The following ELAPOR1 variants were observed in gnomAD, a reference collection of about 807,000 sequenced individuals.
The protein encoded by ELAPOR1 is endosome/lysosome-associated apoptosis and autophagy regulator 1.
Under a neutral mutation model 119.7 loss-of-function variants are expected in ELAPOR1, and 77 were observed. The ratio of observed to expected loss-of-function variants is 0.64; its 90% CI spans 0.54 to 0.78. ELAPOR1 has a LOEUF of 0.78. Among genes scored for constraint, ELAPOR1 ranks in the 30% least tolerant of loss-of-function variants. The pLI, the probability that ELAPOR1 is intolerant of heterozygous loss-of-function variation, is 0.00. For synonymous variants in ELAPOR1, 481 were observed against 487.2 expected (o/e 0.99, Z 0.17); for missense variants, 1,115 against 1,270.4 (o/e 0.88, Z 1.86).
At chr1:109,126,352 T>G (rs764033844) in intron 1 of ELAPOR1, among the ~76,000 whole-genome samples, 3 of 152,132 alleles carry the variant, frequency 2.0e-5, no homozygotes, top group Non-Finnish European at 4.4e-5. Flanking sequence ...CCAGGTACAG[T>G]GGCTCACCCC....
At chr1:109,142,920 T>A (rs1243392329) in intron 1 of ELAPOR1, among the ~76,000 whole-genome samples, 1 of 152,014 alleles carries the variant, frequency 6.6e-6, no homozygotes, top group Non-Finnish European at 1.5e-5. Context: ...AACTGATGAA[T>A]GGATAAAATA....
chr1:109,150,233 G>A (rs954397976), intron 1 of ELAPOR1, among the ~76,000 whole-genome samples: 1 of 152,210 alleles, frequency 6.6e-6, no homozygotes, highest in African/African-American at 2.4e-5. Context: ...AGCCAGTGGG[G>A]TAGGCCCTGC....
Position 109,114,390 on chromosome 1 carries a change from G to T in ELAPOR1, c.153+54G>T, listed in dbSNP as rs542171516. 3.8e-4 allele frequency: 570 copies of T among 1,496,162 alleles called. 5 individuals carry two copies. In the South Asian group the frequency reaches 6.9e-3, roughly 18 times the overall value. The allele number at this position is 1,496,162 out of a possible 1,614,324, so 92.7% of individuals were successfully genotyped here. A position where few individuals can be genotyped will look rare whatever the true frequency, so the allele number is the denominator to read the frequency against. On this transcript the variant is annotated intron_variant, in intron 1 of 21. Coordinates refer to ENST00000369939, the MANE Select transcript of ELAPOR1 (RefSeq NM_020775.5). Reference sequence around the variant, plus strand: ...TTTGGTCACAAAAGTCTTGGATCCAGGCGGAGACCTTGGGGACCCAGGCGC... The same window carrying T: ...TTTGGTCACAAAAGTCTTGGATCCATGCGGAGACCTTGGGGACCCAGGCGC...
In ELAPOR1 at chr1:109,192,777, C is replaced by G; in HGVS notation, c.1850C>G (p.Thr617Ser). The stretch of plus-strand genomic sequence containing the variant: ...TACTATATTGACCGAGATTCAGGAA[C>G]CTGCCACTCCTGCCCCACTAACACA... ...AGYYIDRDSG[T>S]CHSCPTNTIL... The change falls in exon 14 of 22, where the codon ACC (threonine) becomes AGC (serine). Residue 617 changes from threonine to serine, a missense_variant. By Grantham distance (58) the Thr-to-Ser change is moderately conservative. Coordinates refer to ENST00000369939, the MANE Select transcript of ELAPOR1 (RefSeq NM_020775.5). 6.2e-7 allele frequency: 1 copy of G among 1,614,034 alleles called. No individual in the cohort carries two copies. Among genetic ancestry groups the G allele is most frequent in the Non-Finnish European group, 8.5e-7 (1 of 1,179,986 alleles).
intron 14 of ELAPOR1, among the ~76,000 whole-genome samples, chr1:109,194,206 T>C: frequency 6.6e-6 from 1 of 152,220 alleles, no homozygotes; most frequent in East Asian, 1.9e-4. Context: ...AGATTTAGGT[T>C]TGTCCATCAT....
intron 7 of ELAPOR1, among the ~76,000 whole-genome samples, chr1:109,177,425 C>T (rs1487592924): frequency 7.6e-6 from 1 of 131,586 alleles, no homozygotes; most frequent in African/African-American, 3.2e-5. Flanking sequence ...GACGGGGCGG[C>T]AGGGCAGAGG....
intron 1 of ELAPOR1, among the ~76,000 whole-genome samples, chr1:109,130,809 T>C (rs541897046): frequency 6.6e-6 from 1 of 152,306 alleles, no homozygotes; most frequent in South Asian, 2.1e-4. Flanking sequence ...TCCTAACAAA[T>C]TACCCTAAAA....
chr1:109,173,632 G>A lies in ELAPOR1; in HGVS notation c.802+53G>A, dbSNP rs77127801. ...TGGGCTGTTGACTTTGCAGTCTCCT[G>A]GGGACTCAGTCTCCAGGCTGAATCC... On this transcript the variant is annotated intron_variant, in intron 6 of 21. Coordinates refer to ENST00000369939, the MANE Select transcript of ELAPOR1 (RefSeq NM_020775.5). The A allele has an allele frequency of 2.5e-3, 3,993 of 1,612,912 alleles. 31 individuals are homozygous for A. The highest frequency in any genetic ancestry group is 0.023 in the African/African-American group (1,758 of 74,956).
rs530970184 is a variant in ELAPOR1, at chr1:109,192,716, G to C, written c.1789G>C (p.Asp597His). 5 of 1,613,982 alleles carry C rather than the reference G, an allele frequency of 3.1e-6. No individual in the cohort carries two copies. The highest frequency in any genetic ancestry group is 1.6e-4 in the Middle Eastern group (1 of 6,084). The change falls in exon 14 of 22, where the codon GAT becomes CAT. Residue 597 changes from aspartate (D) to histidine (H), a missense_variant. Physicochemically the swap from Asp to His is moderately conservative, Grantham distance 81 (BLOSUM62 -1). Transcript: ENST00000369939. ...YCRPCALEAS[D>H]VGSSCTSCPA... Reference sequence around the variant, plus strand: ...CCGTCCCTGTGCCCTAGAAGCCTCTGATGTGGGCTCCTCCTGCACCTCTTG... The same window carrying C: ...CCGTCCCTGTGCCCTAGAAGCCTCTCATGTGGGCTCCTCCTGCACCTCTTG...
At chr1:109,121,514 G>A (rs906451386) in intron 1 of ELAPOR1, among the ~76,000 whole-genome samples, 4 of 152,022 alleles carry the variant, frequency 2.6e-5, no homozygotes, top group African/African-American at 9.7e-5. Context: ...AGGCCAAAAG[G>A]GAATATGGAA....
In ELAPOR1 at chr1:109,192,862, C is replaced by G; in HGVS notation, c.1935C>G (p.Thr645=). 6.2e-7 allele frequency: 1 copy of G among 1,613,836 alleles called. No individual in the cohort carries two copies. The highest frequency in any genetic ancestry group is 1.3e-5 in the African/African-American group (1 of 74,972). The change falls in exon 14 of 22, where the codon ACC becomes ACG. Residue 645 remains threonine, a synonymous_variant. Coordinates refer to ENST00000369939, the MANE Select transcript of ELAPOR1 (RefSeq NM_020775.5). The part of the protein sequence containing the change: ...VQACVPCGPG[T]KNNKIHSLCY... ...CCTGTGTGCCCTGTGGTCCAGGGAC[C>G]AAGAACAACAAGGTACCTGTAGTCT...
At chr1:109,125,457 A>G (rs1014558656) in intron 1 of ELAPOR1, among the ~76,000 whole-genome samples, 1 of 151,418 alleles carries the variant, frequency 6.6e-6, no homozygotes, top group Non-Finnish European at 1.5e-5. Flanking sequence ...GTGCAGCACA[A>G]TCTCAGCTCA....
chr1:109,141,361 A>G (rs947050818), intron 1 of ELAPOR1, among the ~76,000 whole-genome samples: 1 of 151,880 alleles, frequency 6.6e-6, no homozygotes, highest in Non-Finnish European at 1.5e-5. Context: ...CTCGAGGTTC[A>G]CACCATTCTC....
chr1:109,193,010 G>C, intron 14 of ELAPOR1, 136 bp downstream of exon 14: 2 of 930,436 alleles, frequency 2.1e-6, no homozygotes, highest in Non-Finnish European at 3.2e-6. Flanking sequence ...TTGGAGTCCT[G>C]GAGGACACCC....
chr1:109,200,682 C>T (rs1377546935), intron 20 of ELAPOR1, 53 bp from the exon 21 acceptor site: 2 of 1,561,732 alleles, frequency 1.3e-6, no homozygotes, highest in African/African-American at 2.7e-5. Context: ...TACCTCTTTC[C>T]CCCTTATTCC....
At chr1:109,132,638 G>A (rs192266512) in intron 1 of ELAPOR1, among the ~76,000 whole-genome samples, 303 of 152,272 alleles carry the variant, frequency 2.0e-3, no homozygotes, top group Admixed American at 3.3e-3. Flanking sequence ...AACTGAGCGA[G>A]GCCTGAAGAA....
intron 1 of ELAPOR1, among the ~76,000 whole-genome samples, chr1:109,132,971 T>C (rs1408718106): frequency 6.6e-6 from 1 of 152,232 alleles, no homozygotes; most frequent in East Asian, 1.9e-4. Context: ...GGTTCATGCC[T>C]GTAATCCCAG....
intron 18 of ELAPOR1, among the ~76,000 whole-genome samples, chr1:109,199,560 GT>G (rs143707075): frequency 0.073 from 11,187 of 152,288 alleles, 578 homozygotes; most frequent in Middle Eastern, 0.2. Flanking sequence ...CCTCAAAGGG[GT>G]TGATGAGACA....
intron 7 of ELAPOR1, among the ~76,000 whole-genome samples, chr1:109,181,958 T>C (rs1652725094): frequency 6.6e-6 from 1 of 152,178 alleles, no homozygotes. Flanking sequence ...AAGGAATCAG[T>C]TGAGAAATAA....
Sources: gnomAD v4.1 joint callset for allele counts (sites outside exome capture counted in the v4.1 genomes callset) on GRCh38, gnomAD v4.1.1 for gene constraint, MANE v1.5 for transcripts, NCBI Gene and HGNC (gene_info 2026-07-23, HGNC 2026-07-21) for gene names.